Variants in TMEM14B observed in about 807,000 individuals in gnomAD.
TMEM14B encodes transmembrane protein 14B.
In TMEM14B, 9 loss-of-function variants were observed where a neutral mutation model predicts 14.8. That is an observed-to-expected ratio of 0.61 (90% confidence interval 0.37 to 1.06). TMEM14B has a LOEUF of 1.06. Ranked by LOEUF, TMEM14B falls within the 50% of genes least tolerant of loss-of-function variation. The pLI is 0.01. For synonymous variants in TMEM14B, 40 were observed against 51.3 expected, an observed-to-expected ratio of 0.78 and a Z score of 0.94; for missense variants, 128 against 143.6, an observed-to-expected ratio of 0.89 and a Z score of 0.56.
rs769604871 is a variant in TMEM14B at position 10,751,237 on chromosome 6, A to C, written c.202+3A>C. The C allele has an allele frequency of 1.9e-6, 3 of 1,613,554 alleles. No homozygotes were observed. The highest frequency in any genetic ancestry group is 1.6e-4 in the Middle Eastern group (1 of 6,062). On this transcript the variant is annotated splice_donor_region_variant and intron_variant, in intron 4 of 5. Transcript: ENST00000379542. ...AAGGAACGTTTGGGGTTTCCTAGGT[A>C]TGTCTGCTTCAGCGTCTCCTTAGGG...
At chr6:10,754,789 A>G (rs541211744) in intron 4 of TMEM14B, among the ~76,000 whole-genome samples, 2 of 152,354 alleles carry the variant, frequency 1.3e-5, no homozygotes, top group East Asian at 3.9e-4. Flanking sequence ...AATTGCATGC[A>G]GGGTAGAGGA....
chr6:10,748,880 T>A (rs1771439700), intron 1 of TMEM14B, among the ~76,000 whole-genome samples: 1 of 152,214 alleles, frequency 6.6e-6, no homozygotes, highest in Admixed American at 6.5e-5. Context: ...TGCTTTCCGA[T>A]TTAGTGATAA....
At chr6:10,750,308 A>G (rs1396006355) in intron 3 of TMEM14B, among the ~76,000 whole-genome samples, 1 of 151,806 alleles carries the variant, frequency 6.6e-6, no homozygotes, top group Admixed American at 6.6e-5. Context: ...AGTTAGAGAA[A>G]ACGCCACACT....
rs144111954 is a variant in TMEM14B at position 10,752,519 on chromosome 6, C to T, written c.202+1285C>T. ...TTGCCCAGGCTAGAGTGCAGTGGCG[C>T]GGTCTTGGCTCACTGCAACCTCCGC... On this transcript the variant is annotated intron_variant, in intron 4 of 5. Coordinates refer to ENST00000379542, the MANE Select transcript of TMEM14B (RefSeq NM_030969.5). Among the ~76,000 whole-genome samples, 702 of 143,500 alleles carry T rather than the reference C, an allele frequency of 4.9e-3. 9 individuals carry two copies. Among genetic ancestry groups the T allele is most frequent in the Middle Eastern group, 0.016 (4 of 258 alleles). The allele number at this position is 143,500 out of a possible 152,430, so 94.1% of individuals were successfully genotyped here.
chr6:10,757,090 G>A (rs1771834200), downstream of TMEM14B: 1 of 747,248 alleles, frequency 1.3e-6, no homozygotes, highest in Non-Finnish European at 1.6e-6. Context: ...TACCTATTTT[G>A]AGTAATTTAA....
intron 2 of TMEM14B, among the ~76,000 whole-genome samples, 157 bp from the exon 3 acceptor site, chr6:10,749,465 C>T (rs1771464303): frequency 6.6e-6 from 1 of 152,176 alleles, no homozygotes; most frequent in Non-Finnish European, 1.5e-5. Context: ...CTCAGAAAGT[C>T]ATCCAACCTC....
chr6:10,752,000 G>A (rs1173780445), intron 4 of TMEM14B, among the ~76,000 whole-genome samples: 1 of 152,074 alleles, frequency 6.6e-6, no homozygotes, highest in Non-Finnish European at 1.5e-5. Context: ...TGAGTGCCAT[G>A]TGGGAGGGAG....
chr6:10,749,792 T>C, intron 3 of TMEM14B, 94 bp downstream of exon 3: 2 of 1,487,540 alleles, frequency 1.3e-6, no homozygotes. Context: ...CTCGTTTGAC[T>C]CAGCTTTGCT....
chr6:10,749,680 G>A lies in TMEM14B; in HGVS notation c.82G>A (p.Val28Ile), dbSNP rs138206333. Residue 28 changes from valine to isoleucine, a missense_variant, in exon 3 of 6, where the codon GTT becomes ATT. Coordinates refer to ENST00000379542, the MANE Select transcript of TMEM14B (RefSeq NM_030969.5). ...YTALVVSGGI[V>I]GYVKTGSVPS... ...AGCACTGGTTGTTTCTGGTGGGATC[G>A]TTGGCTATGTAAAAACAGGTAGGGT... The A allele has an allele frequency of 1.1e-5, 17 of 1,614,046 alleles. No individual in the cohort carries two copies. Among genetic ancestry groups the A allele is most frequent in the African/African-American group, 9.3e-5 (7 of 74,902 alleles).
chr6:10,751,042 G>T (rs557127750), intron 3 of TMEM14B, 91 bp from the exon 4 acceptor site: 2 of 1,493,566 alleles, frequency 1.3e-6, no homozygotes, highest in East Asian at 4.6e-5. Flanking sequence ...AGTTCTTTGT[G>T]CTGTCCTTTG....
At chr6:10,747,939 G>A (rs1393860291) in intron 1 of TMEM14B, 58 bp downstream of exon 1, 4 of 152,268 alleles carry the variant, frequency 2.6e-5, no homozygotes, top group Admixed American at 1.3e-4. Flanking sequence ...TAACTTTTAG[G>A]GATTATTTAG....
In TMEM14B at chr6:10,751,662, C is replaced by T. The variant is rs577886804; in HGVS notation, c.202+428C>T. ...TGGCCTCAGTATCACTAAAATATCA[C>T]GTATCTGGGTTAGGTTTGCAGCTGC... On this transcript the variant is annotated intron_variant, in intron 4 of 5. Transcript: ENST00000379542. Among the ~76,000 whole-genome samples the T allele has an allele frequency of 9.9e-5, 15 of 152,190 alleles. No homozygotes were observed. In the South Asian group the frequency reaches 1.0e-3, roughly 11 times the overall value.
chr6:10,749,226 T>C lies in TMEM14B; in HGVS notation c.-20T>C, dbSNP rs996415707. The C allele has an allele frequency of 6.2e-7, 1 of 1,614,128 alleles. No individual in the cohort carries two copies. Among genetic ancestry groups the C allele is most frequent in the Non-Finnish European group, 8.5e-7 (1 of 1,179,972 alleles). ...GATGCAGGCCTGGGGTAGTCTCCTT[T>C]CTGGACTGAGAAGAGAAGAATGGAG... is the stretch of plus-strand genomic sequence containing the variant. On this transcript the variant is annotated 5_prime_UTR_variant, in exon 2 of 6. Coordinates refer to ENST00000379542, the MANE Select transcript of TMEM14B (RefSeq NM_030969.5).
intron 3 of TMEM14B, chr6:10,749,983 C>T (rs1340428485): frequency 2.1e-6 from 1 of 467,304 alleles, no homozygotes; most frequent in African/African-American, 2.0e-5. Context: ...ATTCATCAGC[C>T]ATGACCCCCA....
intron 4 of TMEM14B, among the ~76,000 whole-genome samples, chr6:10,754,514 TCA>T (rs1771731387): frequency 6.6e-6 from 1 of 152,236 alleles, no homozygotes; most frequent in Non-Finnish European, 1.5e-5. Context: ...ATTTCAGATC[TCA>T]GTCAGTCTTC....
chr6:10,757,016 A>G, downstream of TMEM14B: 1 of 975,674 alleles, frequency 1.0e-6, no homozygotes, highest in Middle Eastern at 5.3e-4. Flanking sequence ...GAGCTGGTCT[A>G]GTTCATAGAA....
downstream of TMEM14B, among the ~76,000 whole-genome samples, chr6:10,758,149 G>C (rs1427469709): frequency 6.6e-6 from 1 of 152,114 alleles, no homozygotes; most frequent in Non-Finnish European, 1.5e-5. Flanking sequence ...AAGGGCTCTT[G>C]TGTTGCAGTG....
intron 3 of TMEM14B, chr6:10,749,999 C>T: frequency 2.3e-6 from 1 of 436,134 alleles, no homozygotes; most frequent in Non-Finnish European, 4.2e-6. Context: ...CCCCAAGTGC[C>T]ATCTCTGGGC....
At chr6:10,754,843 A>C (rs1408702551) in intron 4 of TMEM14B, among the ~76,000 whole-genome samples, 1 of 152,246 alleles carries the variant, frequency 6.6e-6, no homozygotes, top group Non-Finnish European at 1.5e-5. Context: ...CATGAGAAAC[A>C]ACAGCATTTT....
Sources: gnomAD v4.1 joint callset for allele counts (sites outside exome capture counted in the v4.1 genomes callset) on GRCh38, gnomAD v4.1.1 for gene constraint, MANE v1.5 for transcripts, NCBI Gene and HGNC (gene_info 2026-07-23, HGNC 2026-07-21) for gene names.